P2RX5: variants seen among roughly 807,000 people sequenced by gnomAD.
P2RX5 encodes the protein P2X purinoceptor 5.
A neutral mutation model predicts 54.1 loss-of-function variants in P2RX5; 46 were observed. The observed-to-expected ratio is 0.85, with a 90% CI of 0.67 to 1.09. The LOEUF (loss-of-function observed/expected upper bound fraction) is 1.09. Among genes scored for constraint, P2RX5 ranks in the 50% least tolerant of loss-of-function variants. P2RX5 has a pLI of 0.00. For synonymous variants in P2RX5, 226 were observed against 226.4 expected (o/e 1.00, Z 0.02); for missense variants, 566 against 549.8 (o/e 1.03, Z -0.29).
At chr17:3,678,414 C>T (rs1005397664) in intron 11 of P2RX5, among the ~76,000 whole-genome samples, 1 of 152,252 alleles carries the variant, frequency 6.6e-6, no homozygotes, top group African/African-American at 2.4e-5. Context: ...CTCAGCGAGG[C>T]TCAGCCAAGA....
chr17:3,716,399 G>A, the P2RX5 span, among the ~76,000 whole-genome samples: 1 of 152,168 alleles, frequency 6.6e-6, no homozygotes, highest in Non-Finnish European at 1.5e-5. Context: ...AGGCCCTATT[G>A]AACTCACAGG....
At chr17:3,675,483 C>A (rs1252267777) in intron 11 of P2RX5, 1 of 985,170 alleles carries the variant, frequency 1.0e-6, no homozygotes, top group Non-Finnish European at 1.2e-6. Context: ...TAAAAGTCAC[C>A]AAGTTATAAA....
At chr17:3,717,970 T>C in the P2RX5 span, 1 of 152,138 alleles carries the variant, frequency 6.6e-6, no homozygotes, top group African/African-American at 2.4e-5. Flanking sequence ...GTAGAAGAAA[T>C]GTCCCTATTT....
rs140480750 is a variant in P2RX5 at position 3,688,690 on chromosome 17, G to A, written c.823C>T (p.His275Tyr). The A allele has an allele frequency of 1.9e-6, 3 of 1,613,664 alleles. No homozygotes were observed. Among genetic ancestry groups the A allele is most frequent in the African/African-American group, 2.7e-5 (2 of 75,044 alleles). ...LDKAASECHP[H>Y]YSFSRLDNKL... is the part of the protein sequence containing the mutation. ...TTGTCCAGACGGCTAAAAGAATAGT[G>A]AGGGTGGCACTCAGAGGCAGCTTTA... The change falls in exon 8 of 12, where the codon CAC becomes TAC. Residue 275 changes from histidine to tyrosine, a missense_variant. Physicochemically the swap from His to Tyr is moderately conservative, Grantham distance 83. Transcript: ENST00000225328.
At chr17:3,702,689 C>G in the P2RX5 span, among the ~76,000 whole-genome samples, 1 of 152,182 alleles carries the variant, frequency 6.6e-6, no homozygotes, top group Non-Finnish European at 1.5e-5. Flanking sequence ...GGAACAAACT[C>G]CAGACACACC....
chr17:3,723,815 C>CGGCCCT, the P2RX5 span: 71 of 1,570,328 alleles, frequency 4.5e-5, 1 homozygote, highest in East Asian at 2.9e-4. Flanking sequence ...GTCCCGGCCC[C>CGGCCCT]GGCCCTGGCG....
At chr17:3,718,005 C>A in the P2RX5 span, 1 of 152,278 alleles carries the variant, frequency 6.6e-6, no homozygotes, top group African/African-American at 2.4e-5. Context: ...CCTTTATCTT[C>A]TTCTAAACCC....
At chr17:3,706,867 C>T in the P2RX5 span, among the ~76,000 whole-genome samples, 9 of 152,326 alleles carry the variant, frequency 5.9e-5, no homozygotes, top group African/African-American at 2.2e-4. Context: ...GCCTCGGCCT[C>T]CCAAAGTGCT....
chr17:3,704,232 G>A, the P2RX5 span, among the ~76,000 whole-genome samples: 2 of 152,204 alleles, frequency 1.3e-5, no homozygotes, highest in Non-Finnish European at 2.9e-5. Flanking sequence ...CAAAGGAGCA[G>A]GAAGGCCTGG....
intron 7 of P2RX5, 129 bp from the exon 8 acceptor site, chr17:3,688,888 AC>A: frequency 1.0e-6 from 1 of 983,752 alleles, no homozygotes; most frequent in Admixed American, 1.8e-5. Flanking sequence ...CCTCGAGACC[AC>A]CCTCCAGGAG....
chr17:3,716,835 G>C, the P2RX5 span: 1 of 1,214,876 alleles, frequency 8.2e-7, no homozygotes, highest in Non-Finnish European at 1.2e-6. Flanking sequence ...TAAATCAGGT[G>C]AAGCAAACAA....
chr17:3,693,879 T>C (rs961596929), intron 1 of P2RX5, among the ~76,000 whole-genome samples: 2 of 151,624 alleles, frequency 1.3e-5, no homozygotes, highest in Non-Finnish European at 2.9e-5. Flanking sequence ...GCTGCTGGAG[T>C]GCACTGGTGC....
chr17:3,716,645 G>T, the P2RX5 span: 1 of 1,201,156 alleles, frequency 8.3e-7, no homozygotes, highest in Middle Eastern at 1.9e-4. Context: ...CCCAAAACTA[G>T]AGCCCAGTCT....
At chr17:3,688,481 G>T (rs1165652079) in intron 8 of P2RX5, 145 bp downstream of exon 8, 2 of 882,006 alleles carry the variant, frequency 2.3e-6, no homozygotes, top group Non-Finnish European at 1.9e-6. Flanking sequence ...CTCTGCTGGG[G>T]TCCACACCTC....
the P2RX5 span, among the ~76,000 whole-genome samples, chr17:3,719,883 A>G: frequency 1.3e-5 from 2 of 152,004 alleles, no homozygotes; most frequent in African/African-American, 2.4e-5. Flanking sequence ...ACCCACCATC[A>G]TGTCCGGCTA....
the P2RX5 span, chr17:3,723,764 C>G: frequency 3.1e-6 from 5 of 1,605,430 alleles, no homozygotes; most frequent in African/African-American, 4.0e-5. Context: ...GAGCCATGAC[C>G]GCGACGCGCT....
chr17:3,673,752 A>T lies in P2RX5; in HGVS notation c.*116T>A. 1 of 1,609,724 alleles carries T rather than the reference A, an allele frequency of 6.2e-7. No homozygotes were observed. Among genetic ancestry groups the T allele is most frequent in the Admixed American group, 1.7e-5 (1 of 59,816 alleles). On this transcript the variant is annotated 3_prime_UTR_variant, in exon 12 of 12. Transcript: ENST00000225328. ...CTGGTCCCTGTGATGTGGCATTGATAGCACCCAATGTACAAATTTCCCGTT... is the reference window on the plus strand; with the variant it reads ...CTGGTCCCTGTGATGTGGCATTGATTGCACCCAATGTACAAATTTCCCGTT...
At chr17:3,710,222 T>C in the P2RX5 span, among the ~76,000 whole-genome samples, 1 of 151,076 alleles carries the variant, frequency 6.6e-6, no homozygotes, top group South Asian at 2.1e-4. Context: ...AAGTCGGGAG[T>C]TCAAGACCAG....
At chr17:3,712,501 C>T in the P2RX5 span, among the ~76,000 whole-genome samples, 1 of 152,172 alleles carries the variant, frequency 6.6e-6, no homozygotes, top group African/African-American at 2.4e-5. Flanking sequence ...CAACCAGGTA[C>T]ACGGTTTACT....
Sources: allele counts gnomAD v4.1 joint callset (sites outside exome capture counted in the v4.1 genomes callset), GRCh38; gene constraint gnomAD v4.1.1; transcripts MANE v1.5; gene names NCBI Gene and HGNC (gene_info 2026-07-23, HGNC 2026-07-21).